The following TAS2R1 variants were observed in gnomAD, a reference collection of about 807,000 sequenced individuals.
TAS2R1 encodes taste 2 receptor member 1, also known as taste receptor type 2 member 1.
For synonymous variants in TAS2R1, 141 were observed against 134.2 expected, an observed-to-expected ratio of 1.05 and a Z score of -0.35; for missense variants, 370 against 353.4, an observed-to-expected ratio of 1.05 and a Z score of -0.38.
chr5:9,782,840 T>C, the TAS2R1 span, among the ~76,000 whole-genome samples: 1 of 152,240 alleles, frequency 6.6e-6, no homozygotes, highest in East Asian at 1.9e-4. Flanking sequence ...GTGATTCTTA[T>C]CTGAAAACCA....
At chr5:9,815,701 C>A in the TAS2R1 span, among the ~76,000 whole-genome samples, 2 of 151,556 alleles carry the variant, frequency 1.3e-5, no homozygotes, top group Admixed American at 1.3e-4. Flanking sequence ...AAAGAAGGAA[C>A]CCTGGTAGAA....
At chr5:9,896,366 A>T in the TAS2R1 span, among the ~76,000 whole-genome samples, 2 of 152,182 alleles carry the variant, frequency 1.3e-5, no homozygotes, top group African/African-American at 4.8e-5. Context: ...GAATGGCTAA[A>T]CCTCAGCCAC....
chr5:9,789,028 T>C, the TAS2R1 span, among the ~76,000 whole-genome samples: 1 of 152,156 alleles, frequency 6.6e-6, no homozygotes, highest in African/African-American at 2.4e-5. Flanking sequence ...ACAAAGATAA[T>C]ACCTGTCTCC....
At chr5:9,899,230 G>GTGACTAC in the TAS2R1 span, among the ~76,000 whole-genome samples, 1 of 152,174 alleles carries the variant, frequency 6.6e-6, no homozygotes, top group Non-Finnish European at 1.5e-5. Context: ...AGGGACAGGA[G>GTGACTAC]TGACTACTGT....
chr5:9,870,703 G>A, the TAS2R1 span, among the ~76,000 whole-genome samples: 1 of 152,134 alleles, frequency 6.6e-6, no homozygotes, highest in Non-Finnish European at 1.5e-5. Flanking sequence ...GACATAATAC[G>A]AGCCCCCAAA....
rs551282079 is a variant in TAS2R1, at chr5:9,653,855, C to T, written c.-81+5566G>A. Among the ~76,000 whole-genome samples the T allele has an allele frequency of 2.0e-5, 3 of 152,320 alleles. No homozygotes were observed. In the South Asian group the frequency reaches 6.2e-4, roughly 32 times the overall value. ...ACTGTTCTTTGCTTGATAGGAGCCA[C>T]AACCACTCTCTCCTAAAACCAAGCT... On this transcript the variant is annotated intron_variant, in intron 2 of 2. Coordinates refer to the TAS2R1 transcript ENST00000506620.
upstream of TAS2R1, among the ~76,000 whole-genome samples, chr5:9,713,492 T>A (rs750619699): frequency 6.6e-5 from 10 of 152,184 alleles, no homozygotes; most frequent in Non-Finnish European, 1.2e-4. Flanking sequence ...TGCTTTGAAT[T>A]ACTTTGTGCT....
At chr5:9,633,294 T>TTTTATATATA (rs1554051825), upstream of TAS2R1, among the ~76,000 whole-genome samples, 6 of 67,798 alleles carry the variant, frequency 8.8e-5, no homozygotes, top group African/African-American at 4.3e-4. Flanking sequence ...TGTGTGTATA[T>TTTTATATATA]TATATATATA....
At chr5:9,658,396 C>T (rs1481977129) in intron 2 of TAS2R1, 1 of 152,180 alleles carries the variant, frequency 6.6e-6, no homozygotes, top group Non-Finnish European at 1.5e-5. Flanking sequence ...ACTGTTGTAA[C>T]CATGATTCTT....
chr5:9,701,184 A>G (rs146879094), intron 1 of TAS2R1, among the ~76,000 whole-genome samples: 24 of 151,220 alleles, frequency 1.6e-4, no homozygotes, highest in Admixed American at 6.6e-4. Context: ...CAAGCTGAAC[A>G]AGATTATTAT....
the TAS2R1 span, among the ~76,000 whole-genome samples, chr5:9,878,496 C>A: frequency 6.6e-6 from 1 of 152,156 alleles, no homozygotes; most frequent in Admixed American, 6.5e-5. Context: ...TGGAAGTGAA[C>A]CACGAACGCT....
In TAS2R1 at chr5:9,629,785, G is replaced by T; in HGVS notation, c.248C>A (p.Ala83Glu). 1 of 1,613,752 alleles carries T rather than the reference G, an allele frequency of 6.2e-7. No individual in the cohort carries two copies. Among genetic ancestry groups the T allele is most frequent in the Non-Finnish European group, 8.5e-7 (1 of 1,179,848 alleles). The change falls in exon 1 of 1, where the codon GCA (alanine) becomes GAA (glutamate). Residue 83 changes from alanine to glutamate, a missense_variant. Physicochemically the swap from Ala to Glu is moderately radical, Grantham distance 107 (BLOSUM62 -1). Coordinates refer to ENST00000382492, the MANE Select transcript of TAS2R1 (RefSeq NM_019599.3). ...IEFIMCSANC[A>E]ILLFINELEL... Reference sequence around the variant, plus strand: ...CAATTCATTTATAAATAAGAGAATTGCACAATTCGCAGAACACATGATGAA... The same window carrying T: ...CAATTCATTTATAAATAAGAGAATTTCACAATTCGCAGAACACATGATGAA...
the TAS2R1 span, among the ~76,000 whole-genome samples, chr5:9,755,587 C>CAAAAAAAA: frequency 4.2e-5 from 4 of 94,850 alleles, no homozygotes; most frequent in African/African-American, 4.4e-5. Flanking sequence ...ACTCCATCTC[C>CAAAAAAAA]AAAAAAAAAA....
intron 2 of TAS2R1, among the ~76,000 whole-genome samples, chr5:9,644,880 A>G (rs535306147): frequency 6.6e-6 from 1 of 152,234 alleles, no homozygotes; most frequent in South Asian, 2.1e-4. Context: ...AGTACTAGTC[A>G]TGGTTTCCTA....
At chr5:9,769,914 C>T in the TAS2R1 span, among the ~76,000 whole-genome samples, 1 of 152,088 alleles carries the variant, frequency 6.6e-6, no homozygotes, top group Non-Finnish European at 1.5e-5. Context: ...AGCTTTTTAA[C>T]TTGATGTGAT....
At chr5:9,822,028 T>C in the TAS2R1 span, among the ~76,000 whole-genome samples, 1 of 152,214 alleles carries the variant, frequency 6.6e-6, no homozygotes, top group African/African-American at 2.4e-5. Context: ...TCTGTGGTCA[T>C]GACCACTGCT....
the TAS2R1 span, among the ~76,000 whole-genome samples, chr5:9,749,395 C>T: frequency 6.6e-6 from 1 of 152,142 alleles, no homozygotes; most frequent in Non-Finnish European, 1.5e-5. Context: ...AAAAATTGAC[C>T]ATGGCATAGT....
chr5:9,665,845 G>T (rs879313451), intron 1 of TAS2R1, among the ~76,000 whole-genome samples: 3 of 152,246 alleles, frequency 2.0e-5, no homozygotes, highest in Admixed American at 1.3e-4. Context: ...AAGAACAGCA[G>T]TGTAGAAGGC....
At chr5:9,854,162 G>T in the TAS2R1 span, among the ~76,000 whole-genome samples, 1 of 152,118 alleles carries the variant, frequency 6.6e-6, no homozygotes, top group Non-Finnish European at 1.5e-5. Flanking sequence ...TGCTCGCTGG[G>T]ATCTTTGGTG....
Sources: allele counts gnomAD v4.1 joint callset (sites outside exome capture counted in the v4.1 genomes callset), GRCh38; gene constraint gnomAD v4.1.1; transcripts MANE v1.5; gene names NCBI Gene and HGNC (gene_info 2026-07-23, HGNC 2026-07-21).